Variants in NXPE2 observed in about 807,000 individuals in gnomAD.
NXPE2 encodes neurexophilin and PC-esterase domain family member 2, also known as NXPE family member 2.
Under a neutral mutation model 34.4 loss-of-function variants are expected in NXPE2, and 34 were observed. The observed-to-expected ratio is 0.99, with a 90% confidence interval of 0.75 to 1.31. NXPE2 has a LOEUF of 1.31. Ranked by LOEUF, NXPE2 falls within the 40% of genes most tolerant of loss-of-function variation. The pLI is 0.00. For missense variants in NXPE2, 649 were observed against 672.5 expected, an observed-to-expected ratio of 0.97 and a Z score of 0.39; for synonymous variants, 235 against 231.3, an observed-to-expected ratio of 1.02 and a Z score of -0.15.
At chr11:114,697,014 G>A (rs757700467) in intron 2 of NXPE2, among the ~76,000 whole-genome samples, 3 of 152,070 alleles carry the variant, frequency 2.0e-5, no homozygotes, top group East Asian at 1.9e-4. Context: ...ACAACATACT[G>A]TAATAAAAGT....
chr11:114,690,061 A>C (rs1429721142), intron 2 of NXPE2, among the ~76,000 whole-genome samples: 1 of 152,090 alleles, frequency 6.6e-6, no homozygotes, highest in Non-Finnish European at 1.5e-5. Flanking sequence ...ATGTCTTTTA[A>C]GTGGAACATT....
the NXPE2 span, among the ~76,000 whole-genome samples, chr11:114,550,498 G>T: frequency 6.6e-6 from 1 of 152,086 alleles, no homozygotes; most frequent in Non-Finnish European, 1.5e-5. Context: ...TAAATAAGAA[G>T]ATTAGGATAA....
chr11:114,550,954 C>T, the NXPE2 span: 1 of 572,040 alleles, frequency 1.7e-6, no homozygotes, highest in African/African-American at 1.9e-5. Flanking sequence ...TCCACAATGC[C>T]TCTAAGGAGT....
intron 4 of NXPE2, among the ~76,000 whole-genome samples, chr11:114,704,307 G>A (rs971988025): frequency 2.7e-5 from 4 of 146,008 alleles, no homozygotes; most frequent in African/African-American, 7.4e-5. Flanking sequence ...GCCTCAAAAT[G>A]TACAGGCTAT....
chr11:114,626,679 T>A, the NXPE2 span, among the ~76,000 whole-genome samples: 3 of 152,224 alleles, frequency 2.0e-5, no homozygotes, highest in Admixed American at 1.3e-4. Context: ...GGAGAATGAC[T>A]TTGATGAGCT....
At chr11:114,707,984 A>G (rs1299870461), downstream of NXPE2, among the ~76,000 whole-genome samples, 1 of 152,188 alleles carries the variant, frequency 6.6e-6, no homozygotes, top group Non-Finnish European at 1.5e-5. Context: ...GCTACTGTAA[A>G]TAGTGCTTCT....
the NXPE2 span, among the ~76,000 whole-genome samples, chr11:114,609,864 A>ATT: frequency 3.3e-5 from 5 of 151,744 alleles, no homozygotes; most frequent in African/African-American, 1.2e-4. Context: ...CCTCGCGGGT[A>ATT]ACCACTCTTA....
At chr11:114,530,800 C>T in the NXPE2 span, 22 of 1,614,042 alleles carry the variant, frequency 1.4e-5, no homozygotes, top group South Asian at 1.1e-4. Context: ...ATTCTGAGTT[C>T]AGTCTCTGTT....
At chr11:114,583,031 C>T in the NXPE2 span, 1 of 1,596,922 alleles carries the variant, frequency 6.3e-7, no homozygotes, top group South Asian at 1.1e-5. Flanking sequence ...CCTGAAATGA[C>T]AGCAAATGTG....
At chr11:114,601,636 AT>A in the NXPE2 span, among the ~76,000 whole-genome samples, 1 of 63,834 alleles carries the variant, frequency 1.6e-5, no homozygotes, top group South Asian at 4.1e-4. Flanking sequence ...ATTATTTATA[AT>A]TATATATAAT....
the NXPE2 span, among the ~76,000 whole-genome samples, chr11:114,718,297 G>A: frequency 6.6e-6 from 1 of 152,050 alleles, no homozygotes; most frequent in Non-Finnish European, 1.5e-5. Context: ...CTCATAGAGT[G>A]GAGTTAAAGT....
chr11:114,559,311 A>G, the NXPE2 span, among the ~76,000 whole-genome samples: 1 of 152,104 alleles, frequency 6.6e-6, no homozygotes. Flanking sequence ...TTCCAGCATA[A>G]CTCTAGACCA....
the NXPE2 span, among the ~76,000 whole-genome samples, chr11:114,577,932 C>T: frequency 2.0e-5 from 3 of 152,114 alleles, no homozygotes; most frequent in Non-Finnish European, 4.4e-5. Context: ...GAACCCTTTA[C>T]GATATACAAA....
chr11:114,738,914 A>G, the NXPE2 span, among the ~76,000 whole-genome samples: 1 of 152,150 alleles, frequency 6.6e-6, no homozygotes, highest in South Asian at 2.1e-4. Flanking sequence ...GTCTTCATTC[A>G]AGTTGTGCTT....
the NXPE2 span, among the ~76,000 whole-genome samples, chr11:114,540,764 A>G: frequency 6.9e-6 from 1 of 144,478 alleles, no homozygotes; most frequent in Non-Finnish European, 1.5e-5. Flanking sequence ...AGAGGAGGTA[A>G]GTTTCCTGGT....
At chr11:114,696,340 C>CAAAAAAAAAAAAAAAAAAGAAAAAAAAA (rs1951253145) in intron 2 of NXPE2, among the ~76,000 whole-genome samples, 1 of 64,606 alleles carries the variant, frequency 1.5e-5, no homozygotes, top group Non-Finnish European at 2.8e-5. Flanking sequence ...TCAAAAAAAC[C>CAAAAAAAAAAAAAAAAAAGAAAAAAAAA]AAAAAAAAAA....
chr11:114,704,022 T>C lies in NXPE2; in HGVS notation c.898T>C (p.Phe300Leu). ...SNIGVEMMKN[F>L]TPIEVIPCNK... ...CATAGGAGTTGAAATGATGAAGAAC[T>C]TTACCCCCATTGAGGTCATACCATG... The change falls in exon 4 of 6, where the codon TTT becomes CTT. Residue 300 changes from phenylalanine to leucine, a missense_variant. Physicochemically the swap from Phe to Leu is conservative, Grantham distance 22. Coordinates refer to ENST00000389586, the MANE Select transcript of NXPE2 (RefSeq NM_182495.6). The C allele has an allele frequency of 2.6e-6, 4 of 1,551,926 alleles. No individual in the cohort carries two copies. Among genetic ancestry groups the C allele is most frequent in the Non-Finnish European group, 3.5e-6 (4 of 1,146,732 alleles).
the NXPE2 span, among the ~76,000 whole-genome samples, chr11:114,781,867 C>G: frequency 6.6e-6 from 1 of 152,146 alleles, no homozygotes; most frequent in African/African-American, 2.4e-5. Context: ...ACTGGTTCAT[C>G]TGGAGTAGTC....
the NXPE2 span, among the ~76,000 whole-genome samples, chr11:114,643,524 C>A: frequency 2.0e-5 from 3 of 152,032 alleles, no homozygotes; most frequent in Non-Finnish European, 4.4e-5. Flanking sequence ...ATCCTTTCCC[C>A]ATTGCTTGTT....
Sources: gnomAD v4.1 joint callset for allele counts (sites outside exome capture counted in the v4.1 genomes callset) on GRCh38, gnomAD v4.1.1 for gene constraint, MANE v1.5 for transcripts, NCBI Gene and HGNC (gene_info 2026-07-23, HGNC 2026-07-21) for gene names.